MEF2A: variants seen among roughly 807,000 people sequenced by gnomAD.
MEF2A encodes myocyte-specific enhancer factor 2A.
Under a neutral mutation model 55.8 loss-of-function variants are expected in MEF2A, and 28 were observed. That is an observed-to-expected ratio of 0.50 (90% CI 0.37 to 0.69). The LOEUF (loss-of-function observed/expected upper bound fraction) is 0.69. Ranked by LOEUF, MEF2A falls within the 30% of genes least tolerant of loss-of-function variation. MEF2A has a pLI of 0.00. For synonymous variants in MEF2A, 239 were observed against 227.1 expected (o/e 1.05, Z -0.47); for missense variants, 528 against 626.2 (o/e 0.84, Z 1.67).
intron 10 of MEF2A, among the ~76,000 whole-genome samples, chr15:99,707,976 T>A (rs1210211796): frequency 6.6e-6 from 1 of 152,176 alleles, no homozygotes; most frequent in Non-Finnish European, 1.5e-5. Flanking sequence ...CCATTACTTT[T>A]CCAACCGTTA....
chr15:99,657,738 TAAGAA>T (rs1453044080), intron 4 of MEF2A, among the ~76,000 whole-genome samples: 1 of 152,020 alleles, frequency 6.6e-6, no homozygotes, highest in Non-Finnish European at 1.5e-5. Flanking sequence ...ACTGGGGCCT[TAAGAA>T]AAGAGGAAAA....
intron 4 of MEF2A, among the ~76,000 whole-genome samples, chr15:99,655,699 AT>A (rs1360332209): frequency 6.6e-6 from 1 of 152,024 alleles, no homozygotes; most frequent in Non-Finnish European, 1.5e-5. Flanking sequence ...GAGAGGGGAG[AT>A]TAAAGTGGGG....
At chr15:99,679,009 T>C (rs933332066) in intron 7 of MEF2A, among the ~76,000 whole-genome samples, 1 of 152,124 alleles carries the variant, frequency 6.6e-6, no homozygotes, top group African/African-American at 2.4e-5. Flanking sequence ...TCAGTAGTCA[T>C]GGAAATGCAA....
intron 2 of MEF2A, among the ~76,000 whole-genome samples, chr15:99,599,608 C>A (rs1186462954): frequency 1.3e-5 from 2 of 152,080 alleles, no homozygotes; most frequent in Non-Finnish European, 2.9e-5. Flanking sequence ...GATTGATAAT[C>A]TTTAGTTTAG....
At chr15:99,628,963 ATT>A (rs71149483) in intron 2 of MEF2A, among the ~76,000 whole-genome samples, 114 of 133,726 alleles carry the variant, frequency 8.5e-4, no homozygotes, top group Admixed American at 1.8e-3. Context: ...TTTCAGAAGG[ATT>A]TTTTTTTTTT....
intron 3 of MEF2A, 33 bp downstream of exon 3, chr15:99,633,206 T>C: frequency 7.1e-7 from 1 of 1,417,426 alleles, no homozygotes; most frequent in Non-Finnish European, 9.5e-7. Context: ...TTAATTGATA[T>C]GAATATTCTT....
intron 4 of MEF2A, among the ~76,000 whole-genome samples, chr15:99,651,147 G>A (rs577745208): frequency 6.6e-6 from 1 of 152,158 alleles, no homozygotes; most frequent in Non-Finnish European, 1.5e-5. Flanking sequence ...TTACATTTCA[G>A]TTCGATTCCA....
chr15:99,669,859 A>G (rs540944605), intron 4 of MEF2A, among the ~76,000 whole-genome samples: 1 of 152,362 alleles, frequency 6.6e-6, no homozygotes, highest in Non-Finnish European at 1.5e-5. Flanking sequence ...AAGATCTGCT[A>G]TGAAATAATC....
intron 4 of MEF2A, among the ~76,000 whole-genome samples, chr15:99,652,740 C>G (rs2047059087): frequency 1.3e-5 from 2 of 152,056 alleles, no homozygotes. Flanking sequence ...CTTGCATTTC[C>G]CAAGCAGTAA....
At chr15:99,571,542 T>C (rs1962300627) in intron 1 of MEF2A, among the ~76,000 whole-genome samples, 1 of 152,202 alleles carries the variant, frequency 6.6e-6, no homozygotes, top group African/African-American at 2.4e-5. Flanking sequence ...TCAGTTTCTA[T>C]GCCCTAGTCA....
In MEF2A at chr15:99,675,594, T is replaced by C. The variant is rs2051827817; in HGVS notation, c.670+136T>C. On this transcript the variant is annotated intron_variant, in intron 7 of 11. Coordinates refer to ENST00000557942, the MANE Select transcript of MEF2A (RefSeq NM_001319206.4). ...TCACTAATACATCAAGATAATTTCTTAAGGGGAGACTTTCTCTAACTTCCC... is the reference window on the plus strand; with the variant it reads ...TCACTAATACATCAAGATAATTTCTCAAGGGGAGACTTTCTCTAACTTCCC... 4 of 699,098 alleles carry C rather than the reference T, an allele frequency of 5.7e-6. No homozygotes were observed. The East Asian group carries it at 1.1e-4, about 19-fold the overall frequency. The allele number at this position is 699,098 out of a possible 1,614,324, so 43.3% of individuals were successfully genotyped here.
At chr15:99,681,380 C>T (rs2053221270) in intron 7 of MEF2A, among the ~76,000 whole-genome samples, 1 of 152,130 alleles carries the variant, frequency 6.6e-6, no homozygotes, top group Non-Finnish European at 1.5e-5. Context: ...GTCTTTAGAA[C>T]AAGCTGAGTT....
chr15:99,661,814 TG>T, intron 4 of MEF2A, among the ~76,000 whole-genome samples: 1 of 152,252 alleles, frequency 6.6e-6, no homozygotes, highest in South Asian at 2.1e-4. Flanking sequence ...GTGCACATTA[TG>T]CAGTAGACTA....
At chr15:99,586,122 T>G (rs1967161730) in intron 1 of MEF2A, among the ~76,000 whole-genome samples, 2 of 152,236 alleles carry the variant, frequency 1.3e-5, no homozygotes, top group Non-Finnish European at 1.5e-5. Flanking sequence ...ATGAATAAAG[T>G]TGCTATGAAG....
chr15:99,638,976 G>A (rs962348588), intron 3 of MEF2A, among the ~76,000 whole-genome samples: 1 of 152,106 alleles, frequency 6.6e-6, no homozygotes, highest in Non-Finnish European at 1.5e-5. Flanking sequence ...GTTGATTTCA[G>A]TGGGTTCTTT....
chr15:99,641,670 T>C (rs2581472), intron 3 of MEF2A, among the ~76,000 whole-genome samples: 104,736 of 151,786 alleles, frequency 0.69, 38,394 homozygotes, highest in Middle Eastern at 0.86. Context: ...TTGCAGTGAG[T>C]CGAGATCGTG....
chr15:99,630,407 T>G (rs894920480), intron 2 of MEF2A, among the ~76,000 whole-genome samples: 1 of 152,220 alleles, frequency 6.6e-6, no homozygotes, highest in African/African-American at 2.4e-5. Flanking sequence ...CAAAATTGTA[T>G]TTTTTGATTT....
At chr15:99,630,627 G>A (rs146256407) in intron 2 of MEF2A, among the ~76,000 whole-genome samples, 1 of 152,304 alleles carries the variant, frequency 6.6e-6, no homozygotes, top group African/African-American at 2.4e-5. Context: ...GTGAAAAAAT[G>A]TGAATTTCTA....
intron 11 of MEF2A, 26 bp downstream of exon 11, chr15:99,710,786 A>ATC (rs1265252374): frequency 6.3e-7 from 1 of 1,588,286 alleles, no homozygotes; most frequent in East Asian, 2.3e-5. Flanking sequence ...TTTTCCCTGC[A>ATC]TCTTTACTCC....
Sources: allele counts gnomAD v4.1 joint callset (sites outside exome capture counted in the v4.1 genomes callset), GRCh38; gene constraint gnomAD v4.1.1; transcripts MANE v1.5; gene names NCBI Gene and HGNC (gene_info 2026-07-23, HGNC 2026-07-21).